Variants in SYNE2 observed in about 807,000 individuals in gnomAD.
SYNE2 encodes spectrin repeat containing nuclear envelope protein 2.
A neutral mutation model predicts 856.3 loss-of-function variants in SYNE2; 431 were observed. That is an observed-to-expected ratio of 0.50 (90% CI 0.47 to 0.55). The LOEUF (loss-of-function observed/expected upper bound fraction) is 0.55. Ranked by LOEUF, SYNE2 falls within the 20% of genes least tolerant of loss-of-function variation. The pLI, the probability that SYNE2 is intolerant of heterozygous loss-of-function variation, is 0.00. For missense variants in SYNE2, 8,129 were observed against 8,023.2 expected, an observed-to-expected ratio of 1.01 and a Z score of -0.50; for synonymous variants, 2,923 against 2,872.3, an observed-to-expected ratio of 1.02 and a Z score of -0.56.
chr14:64,143,865 C>G lies in SYNE2; in HGVS notation c.15400C>G (p.Arg5134Gly), dbSNP rs750776181. The change falls in exon 83 of 116, where the codon CGC (arginine) becomes GGC (glycine). Residue 5134 changes from arginine to glycine, a missense_variant. Arg to Gly is a moderately radical substitution (Grantham distance 125). Transcript: ENST00000555002. ...AAGCACCTGTGATGTAGAAAGCAAG[C>G]GCTATGAAAGAACGGAGTTTGCAGA... The part of the protein sequence containing the change: ...QLSTCDVESK[R>G]YERTEFAEHL... 1 of 1,614,114 alleles carries G rather than the reference C, an allele frequency of 6.2e-7. No individual in the cohort carries two copies. Among genetic ancestry groups the G allele is most frequent in the Admixed American group, 1.7e-5 (1 of 60,002 alleles).
At position 64,132,176 on chromosome 14, in the gene SYNE2, A is replaced by G. The variant is rs2098028902; in HGVS notation, c.14341-89A>G. ...GTCCTGGGATTTTGGATTTAAAACA[A>G]AAATAACTGGATATAAAGTTGAAGT... is the stretch of plus-strand genomic sequence containing the variant. On this transcript the variant is annotated intron_variant, in intron 76 of 115. Transcript: ENST00000555002. 2.0e-6 allele frequency: 3 copies of G among 1,499,964 alleles called. No individual in the cohort carries two copies. In the East Asian group the frequency reaches 6.8e-5, roughly 34 times the overall value. The allele number at this position is 1,499,964 out of a possible 1,614,324, so 92.9% of individuals were successfully genotyped here.
chr14:63,902,285 C>T (rs2153327449), intron 1 of SYNE2, among the ~76,000 whole-genome samples: 1 of 151,682 alleles, frequency 6.6e-6, no homozygotes, highest in African/African-American at 2.4e-5. Flanking sequence ...GTGGTACGTG[C>T]CTGTAATCCC....
At chr14:63,811,735 G>A (rs1265539319) in intron 1 of SYNE2, among the ~76,000 whole-genome samples, 5 of 152,074 alleles carry the variant, frequency 3.3e-5, no homozygotes, top group African/African-American at 1.2e-4. Flanking sequence ...AGGCTTCCGG[G>A]GGTGACATCA....
intron 2 of SYNE2, among the ~76,000 whole-genome samples, chr14:63,927,629 C>T (rs1411950822): frequency 1.3e-5 from 2 of 152,132 alleles, no homozygotes; most frequent in Non-Finnish European, 2.9e-5. Flanking sequence ...CGCTGTGGCT[C>T]ATGCCTGTAA....
chr14:64,164,652 C>T (rs2098360076), intron 89 of SYNE2, among the ~76,000 whole-genome samples: 1 of 152,080 alleles, frequency 6.6e-6, no homozygotes, highest in Non-Finnish European at 1.5e-5. Flanking sequence ...GGAAAACAAA[C>T]AAACAAAAAA....
intron 71 of SYNE2, among the ~76,000 whole-genome samples, chr14:64,125,922 T>C (rs1461086442): frequency 1.3e-5 from 2 of 152,226 alleles, no homozygotes; most frequent in Admixed American, 1.3e-4. Context: ...CTTTTGTGAC[T>C]TCTTTTCCTT....
At position 64,168,966 on chromosome 14, in the gene SYNE2, G is replaced by C. The variant is rs773707574; in HGVS notation, c.16995G>C (p.Glu5665Asp). 6.2e-7 allele frequency: 1 copy of C among 1,612,956 alleles called. No homozygotes were observed. The change falls in exon 93 of 116, where the codon GAG becomes GAC. Residue 5665 changes from glutamate to aspartate, a missense_variant. Glu to Asp is a conservative substitution (Grantham distance 45, BLOSUM62 2). Around this residue, in one of 3 missense-constraint regions of SYNE2, gnomAD observed 5,410 missense variants for 5,284.8 expected, o/e 1.02. Coordinates refer to ENST00000555002, the MANE Select transcript of SYNE2 (RefSeq NM_182914.3). ...AACTCCTGGACACAACAGAAATAGA[G>C]AACAGGTGAGCTGTCTGGGCCTCAT... ...SLQLLDTTEI[E>D]NRPEFITEFS...
chr14:64,146,018 C>T lies in SYNE2; in HGVS notation c.15484-50C>T, dbSNP rs1471364709. On this transcript the variant is annotated intron_variant, in intron 83 of 115. Coordinates refer to ENST00000555002, the MANE Select transcript of SYNE2 (RefSeq NM_182914.3). ...TAAAAAATAACGTCATGGCATTTAC[C>T]TTTTAAAACATACATTTTAACATTT... is the stretch of plus-strand genomic sequence containing the variant. The T allele has an allele frequency of 3.7e-6, 5 of 1,361,960 alleles. No homozygotes were observed. In the East Asian group the frequency reaches 1.2e-4, roughly 34 times the overall value. 84.4% of individuals were successfully genotyped at this position (1,361,960 alleles called of 1,614,324 possible). A position where few individuals can be genotyped will look rare whatever the true frequency, so the allele number is the denominator to read the frequency against.
chr14:63,978,511 T>A (rs2153470395), intron 13 of SYNE2, among the ~76,000 whole-genome samples: 1 of 152,358 alleles, frequency 6.6e-6, no homozygotes, highest in Non-Finnish European at 1.5e-5. Context: ...AAACTTTTAA[T>A]ATATAAACTT....
chr14:63,993,494 G>A (rs1387278226), intron 21 of SYNE2, among the ~76,000 whole-genome samples: 1 of 152,190 alleles, frequency 6.6e-6, no homozygotes, highest in Non-Finnish European at 1.5e-5. Flanking sequence ...AACTTAGCCA[G>A]GGGCTCATTA....
intron 45 of SYNE2, among the ~76,000 whole-genome samples, chr14:64,044,508 A>G (rs2097171704): frequency 6.6e-6 from 1 of 150,626 alleles, no homozygotes; most frequent in Non-Finnish European, 1.5e-5. Context: ...TTGGGAAGGC[A>G]TGATTGGTTT....
intron 52 of SYNE2, among the ~76,000 whole-genome samples, chr14:64,073,699 G>A (rs2097431984): frequency 6.6e-6 from 1 of 152,166 alleles, no homozygotes; most frequent in African/African-American, 2.4e-5. Context: ...GAAAAAGAGA[G>A]GACAGAAATG....
intron 13 of SYNE2, 129 bp from the exon 14 acceptor site, chr14:63,978,723 T>A: frequency 1.4e-6 from 1 of 696,486 alleles, no homozygotes; most frequent in Non-Finnish European, 2.4e-6. Context: ...AAAAAGACAA[T>A]GATACATCTG....
chr14:64,148,351 A>C (rs529227949), intron 84 of SYNE2, among the ~76,000 whole-genome samples: 1 of 152,322 alleles, frequency 6.6e-6, no homozygotes, highest in South Asian at 2.1e-4. Flanking sequence ...TACCAATAGA[A>C]AACCATTTCT....
intron 7 of SYNE2, among the ~76,000 whole-genome samples, chr14:63,951,048 C>G (rs183789060): frequency 6.7e-6 from 1 of 150,332 alleles, no homozygotes; most frequent in Non-Finnish European, 1.5e-5. Flanking sequence ...GTTTTTTGCT[C>G]TTGGTAGACA....
Position 64,220,449 on chromosome 14 carries a change from G to T in SYNE2, c.19873G>T (p.Ala6625Ser). ...CTCTCTCTGGTAGGAGATACTGAAA[G>T]CCTTTGACACTTACAAGGCATTAGT... The part of the protein sequence containing the change: ...RVKRLQEILK[A>S]FDTYKALVVS... Residue 6625 changes from alanine (A) to serine (S), a missense_variant, in exon 111 of 116, where the codon GCC becomes TCC. Ala to Ser is a moderately conservative substitution (Grantham distance 99, BLOSUM62 1). Coordinates refer to ENST00000555002, the MANE Select transcript of SYNE2 (RefSeq NM_182914.3). 1 of 1,614,212 alleles carries T rather than the reference G, an allele frequency of 6.2e-7. No homozygotes were observed. The highest frequency in any genetic ancestry group is 8.5e-7 in the Non-Finnish European group (1 of 1,180,046).
At chr14:63,974,760 GTGTGTGTGTATATATATA>G (rs1213349409) in intron 11 of SYNE2, among the ~76,000 whole-genome samples, 1 of 69,388 alleles carries the variant, frequency 1.4e-5, no homozygotes, top group African/African-American at 6.0e-5. Flanking sequence ...ATGTATATAC[GTGTGTGTGTATATATATA>G]TGTGTGTATA....
intron 27 of SYNE2, among the ~76,000 whole-genome samples, 158 bp downstream of exon 27, chr14:63,999,198 T>C (rs1163840325): frequency 6.6e-6 from 1 of 152,226 alleles, no homozygotes; most frequent in Non-Finnish European, 1.5e-5. Flanking sequence ...CCCTAGTCCA[T>C]AAAGTGATTT....
At chr14:64,098,343 A>G (rs956368953) in intron 62 of SYNE2, 197 bp downstream of exon 62, 3 of 662,108 alleles carry the variant, frequency 4.5e-6, no homozygotes, top group Admixed American at 2.4e-5. Context: ...GACTCCACCC[A>G]GAATTCTTAA....
Sources: allele counts gnomAD v4.1 joint callset (sites outside exome capture counted in the v4.1 genomes callset), GRCh38; gene constraint gnomAD v4.1.1; regional missense constraint gnomAD v4.1.1; transcripts MANE v1.5; gene names NCBI Gene and HGNC (gene_info 2026-07-23, HGNC 2026-07-21).